The following SDK1 variants were observed in gnomAD, a reference collection of about 807,000 sequenced individuals.
The protein encoded by SDK1 is protein sidekick-1.
Under a neutral mutation model 245.5 loss-of-function variants are expected in SDK1, and 157 were observed. The observed-to-expected ratio is 0.64, with a 90% confidence interval of 0.56 to 0.73. The LOEUF is 0.73. SDK1 is among the 30% of genes least tolerant of loss of function. The pLI, the probability that SDK1 is intolerant of heterozygous loss-of-function variation, is 0.00. For missense variants in SDK1, 3,583 were observed against 3,002.3 expected (o/e 1.19, Z -4.52); for synonymous variants, 1,647 against 1,278.5 (o/e 1.29, Z -6.15).
chr7:3,621,179 C>G (rs1781926666), intron 2 of SDK1, among the ~76,000 whole-genome samples: 1 of 152,186 alleles, frequency 6.6e-6, no homozygotes, highest in Admixed American at 6.5e-5. Flanking sequence ...CATTGTAAGG[C>G]TCAGTTTGTT....
At chr7:3,355,401 C>T (rs68135341) in intron 1 of SDK1, among the ~76,000 whole-genome samples, 43,854 of 152,072 alleles carry the variant, frequency 0.29, 6,453 homozygotes, top group East Asian at 0.38. Context: ...CCATGGCCTC[C>T]AACTCCTGTG....
chr7:3,434,099 T>C (rs576714243), intron 1 of SDK1, among the ~76,000 whole-genome samples: 5 of 152,186 alleles, frequency 3.3e-5, no homozygotes, highest in Non-Finnish European at 5.9e-5. Flanking sequence ...TCTATCCATA[T>C]GGGCTCATCT....
chr7:3,691,493 A>G (rs1032349340), intron 4 of SDK1, among the ~76,000 whole-genome samples: 2 of 152,222 alleles, frequency 1.3e-5, no homozygotes, highest in African/African-American at 4.8e-5. Context: ...AAATGGCTCA[A>G]AAAGTAGGAT....
At chr7:3,857,534 G>A (rs114863576) in intron 5 of SDK1, among the ~76,000 whole-genome samples, 2,109 of 151,912 alleles carry the variant, frequency 0.014, 53 homozygotes, top group African/African-American at 0.049. Context: ...AATAATAAAA[G>A]AAATTAACCA....
Position 4,074,866 on chromosome 7 carries a change from C to G in SDK1, c.3011-2132C>G, listed in dbSNP as rs1171176630. ...CAACAGAGCAAGACTTTCTCTCTCT[C>G]TCTCTCTCTCTCTCTCTCTGTATAT... On this transcript the variant is annotated intron_variant, in intron 20 of 44. Coordinates refer to ENST00000404826, the MANE Select transcript of SDK1 (RefSeq NM_152744.4). Among the ~76,000 whole-genome samples, 13 of 91,678 alleles carry G rather than the reference C, an allele frequency of 1.4e-4. No homozygotes were observed. In the East Asian group the frequency reaches 2.4e-3, roughly 17 times the overall value. The allele number at this position is 91,678 out of a possible 152,430, so 60.1% of individuals were successfully genotyped here.
Position 3,715,429 on chromosome 7 carries a change from A to G in SDK1, c.713+73324A>G, listed in dbSNP as rs547600462. On this transcript the variant is annotated intron_variant, in intron 4 of 44. Coordinates refer to ENST00000404826, the MANE Select transcript of SDK1 (RefSeq NM_152744.4). The stretch of plus-strand genomic sequence containing the variant: ...GTCAAGACTGACAGAGCCACCAGCA[A>G]CTGATAGCCCAAAGATATCCTCTCA... 8.5e-5 allele frequency among the ~76,000 whole-genome samples: 13 copies of G among 152,274 alleles called. No individual in the cohort carries two copies. The East Asian group carries it at 2.5e-3, about 29-fold the overall frequency.
chr7:4,085,133 A>G (rs1480646625), intron 22 of SDK1, among the ~76,000 whole-genome samples: 2 of 152,124 alleles, frequency 1.3e-5, no homozygotes, highest in Non-Finnish European at 2.9e-5. Flanking sequence ...TAACTCGATT[A>G]TCTTCTTTAT....
chr7:3,581,140 A>T, intron 1 of SDK1, among the ~76,000 whole-genome samples: 1 of 152,180 alleles, frequency 6.6e-6, no homozygotes, highest in Admixed American at 6.5e-5. Flanking sequence ...TAGCTTTTGC[A>T]GAGCAAAATA....
At chr7:3,989,864 A>G (rs1784164612) in intron 14 of SDK1, among the ~76,000 whole-genome samples, 1 of 152,206 alleles carries the variant, frequency 6.6e-6, no homozygotes. Context: ...ACACAGTTTA[A>G]TCCCCATTTC....
chr7:3,701,437 C>T (rs538949407), intron 4 of SDK1, among the ~76,000 whole-genome samples: 2 of 152,182 alleles, frequency 1.3e-5, no homozygotes, highest in South Asian at 2.1e-4. Flanking sequence ...TGTGTAGGTA[C>T]AGAAAAGATT....
At chr7:4,076,809 C>T (rs941206684) in intron 20 of SDK1, among the ~76,000 whole-genome samples, 189 bp from the exon 21 acceptor site, 24 of 152,226 alleles carry the variant, frequency 1.6e-4, no homozygotes, top group African/African-American at 5.5e-4. Flanking sequence ...TTTACGAGAT[C>T]GCATTGGGCA....
chr7:3,999,384 A>C (rs1462159008), intron 14 of SDK1, among the ~76,000 whole-genome samples: 2 of 152,134 alleles, frequency 1.3e-5, no homozygotes, highest in African/African-American at 4.8e-5. Flanking sequence ...TTAAATCACA[A>C]ATCCAAGAAT....
intron 1 of SDK1, among the ~76,000 whole-genome samples, chr7:3,425,731 AGAC>A (rs1779658264): frequency 6.6e-6 from 1 of 152,230 alleles, no homozygotes; most frequent in Non-Finnish European, 1.5e-5. Flanking sequence ...AAGTAGAAAA[AGAC>A]AGTCCTTTCT....
intron 5 of SDK1, among the ~76,000 whole-genome samples, chr7:3,837,995 C>G (rs1387460060): frequency 2.6e-5 from 4 of 152,102 alleles, no homozygotes; most frequent in Admixed American, 6.5e-5. Flanking sequence ...CCTTGAGAGC[C>G]CTTGCACATA....
In SDK1 at chr7:4,057,157, C is replaced by G. The variant is rs145910777; in HGVS notation, c.2911+5327C>G. 7.0e-3 allele frequency among the ~76,000 whole-genome samples: 1,061 copies of G among 152,126 alleles called. 11 individuals are homozygous for G. The highest frequency in any genetic ancestry group is 0.024 in the African/African-American group (993 of 41,522). ...GCAGTGCAGCCATTGCCAGCCCTAC[C>G]AAGTGTTCTGCCAGGAACCTGGGGG... is the stretch of plus-strand genomic sequence containing the variant. On this transcript the variant is annotated intron_variant, in intron 19 of 44. Transcript: ENST00000404826.
At chr7:3,845,521 A>G (rs12536445) in intron 5 of SDK1, among the ~76,000 whole-genome samples, 36,325 of 143,416 alleles carry the variant, frequency 0.25, 4,976 homozygotes, top group Middle Eastern at 0.38. Context: ...AAGGCCCTAG[A>G]GAAAAGAGCA....
intron 14 of SDK1, among the ~76,000 whole-genome samples, chr7:4,010,520 A>C (rs970002859): frequency 1.3e-5 from 2 of 152,296 alleles, no homozygotes; most frequent in Non-Finnish European, 2.9e-5. Flanking sequence ...ATCTGTCTTT[A>C]TCATGCTCAT....
intron 4 of SDK1, among the ~76,000 whole-genome samples, chr7:3,747,211 A>G (rs879863572): frequency 1.3e-5 from 2 of 152,236 alleles, no homozygotes; most frequent in Non-Finnish European, 2.9e-5. Context: ...ACCTAGGTAA[A>G]TAGATGGAAA....
intron 1 of SDK1, among the ~76,000 whole-genome samples, chr7:3,532,761 C>T (rs906962139): frequency 2.6e-5 from 4 of 152,152 alleles, no homozygotes; most frequent in East Asian, 1.9e-4. Context: ...ACTCTGCATT[C>T]GAAGGGTGAC....
Sources: gnomAD v4.1 joint callset for allele counts (sites outside exome capture counted in the v4.1 genomes callset) on GRCh38, gnomAD v4.1.1 for gene constraint, MANE v1.5 for transcripts, NCBI Gene and HGNC (gene_info 2026-07-23, HGNC 2026-07-21) for gene names.